Variants in CHRNA7 observed in about 807,000 individuals in gnomAD.
CHRNA7 encodes cholinergic receptor nicotinic alpha 7 subunit.
CHRNA7 carries 17 observed loss-of-function variants against 48.0 expected under a neutral mutation model. That is an observed-to-expected ratio of 0.35 (90% CI 0.24 to 0.53). The LOEUF (loss-of-function observed/expected upper bound fraction) is 0.53. Among genes scored for constraint, CHRNA7 ranks in the 20% least tolerant of loss-of-function variants. The probability of loss-of-function intolerance (pLI) is 0.92; values close to 1 mark genes in which losing one functional copy is unlikely to be tolerated. For missense variants in CHRNA7, 155 were observed against 577.7 expected, an observed-to-expected ratio of 0.27 and a Z score of 7.50; for synonymous variants, 75 against 242.3, an observed-to-expected ratio of 0.31 and a Z score of 6.41.
At chr15:32,116,465 G>A (rs1241454303) in intron 4 of CHRNA7, among the ~76,000 whole-genome samples, 6 of 152,224 alleles carry the variant, frequency 3.9e-5, no homozygotes, top group Admixed American at 6.5e-5. Flanking sequence ...GAATAAAAGC[G>A]TCTCTGTCTG....
chr15:32,096,912 C>T (rs1162468428), intron 2 of CHRNA7, among the ~76,000 whole-genome samples: 1 of 152,196 alleles, frequency 6.6e-6, no homozygotes, highest in Non-Finnish European at 1.5e-5. Flanking sequence ...CCTTGCCACA[C>T]CGGCCTTCTG....
At chr15:32,054,404 C>T (rs1363651320) in intron 2 of CHRNA7, among the ~76,000 whole-genome samples, 2 of 139,826 alleles carry the variant, frequency 1.4e-5, no homozygotes, top group South Asian at 2.2e-4. Flanking sequence ...AAAGGTCTCT[C>T]GTAGAGAGAC....
chr15:32,138,247 A>G (rs988557482), intron 4 of CHRNA7, among the ~76,000 whole-genome samples: 1 of 152,212 alleles, frequency 6.6e-6, no homozygotes, highest in Non-Finnish European at 1.5e-5. Context: ...GTTTTCAACT[A>G]CAGAAAAATA....
chr15:32,082,442 C>T (rs761671350), intron 2 of CHRNA7, among the ~76,000 whole-genome samples: 2 of 151,960 alleles, frequency 1.3e-5, no homozygotes, highest in African/African-American at 2.4e-5. Context: ...ACAATCTCCA[C>T]CTGTAATTCT....
intron 4 of CHRNA7, among the ~76,000 whole-genome samples, chr15:32,132,856 T>C (rs996257623): frequency 1.3e-5 from 2 of 152,234 alleles, no homozygotes; most frequent in African/African-American, 4.8e-5. Flanking sequence ...AGTGGCATTT[T>C]TCTGAAAGCA....
intron 2 of CHRNA7, among the ~76,000 whole-genome samples, chr15:32,074,727 T>C (rs945019542): frequency 6.6e-6 from 1 of 151,774 alleles, no homozygotes; most frequent in Non-Finnish European, 1.5e-5. Flanking sequence ...TGATCTCGGC[T>C]CACTGCAACC....
intron 4 of CHRNA7, among the ~76,000 whole-genome samples, chr15:32,114,896 A>ACAG (rs1392228840): frequency 6.6e-6 from 1 of 152,202 alleles, no homozygotes; most frequent in African/African-American, 2.4e-5. Flanking sequence ...GTACACTTCC[A>ACAG]CAGCGGGGCA....
chr15:32,039,318 T>C (rs1339871970), intron 2 of CHRNA7, among the ~76,000 whole-genome samples: 1 of 152,190 alleles, frequency 6.6e-6, no homozygotes, highest in African/African-American at 2.4e-5. Context: ...TTTGCTCTTT[T>C]TTCTAGTTTC....
Position 32,094,803 on chromosome 15 carries a change from G to A in CHRNA7, c.196-6500G>A, listed in dbSNP as rs11636168. On this transcript the variant is annotated intron_variant, in intron 2 of 9. Coordinates refer to ENST00000306901, the MANE Select transcript of CHRNA7 (RefSeq NM_000746.6). ...AGCCTCCCAAGTAGCTGGGACTGCA[G>A]GTGCCTGCCACCGCGCCTGGCTAAT... Among the ~76,000 whole-genome samples, 585 of 152,276 alleles carry A rather than the reference G, an allele frequency of 3.8e-3. 2 individuals are homozygous for A. Among genetic ancestry groups the A allele is most frequent in the Non-Finnish European group, 6.5e-3 (443 of 68,024 alleles).
intron 2 of CHRNA7, among the ~76,000 whole-genome samples, chr15:32,048,975 C>T (rs543471090): frequency 9.1e-4 from 134 of 146,964 alleles, no homozygotes; most frequent in African/African-American, 3.3e-3. Context: ...CGTAGTTGAG[C>T]GGTTTTGAGT....
At chr15:32,094,300 C>A (rs965216602) in intron 2 of CHRNA7, among the ~76,000 whole-genome samples, 1 of 152,174 alleles carries the variant, frequency 6.6e-6, no homozygotes, top group Non-Finnish European at 1.5e-5. Context: ...TAACCATGAA[C>A]CCACTGGGAA....
At chr15:32,111,991 AT>A in intron 4 of CHRNA7, 92 bp downstream of exon 4, 2 of 851,442 alleles carry the variant, frequency 2.3e-6, no homozygotes. Flanking sequence ...GATGCTGGAT[AT>A]GTTATCTATG....
In CHRNA7 at chr15:32,135,172, G is replaced by A. The variant is rs558107644; in HGVS notation, c.351-18735G>A. Among the ~76,000 whole-genome samples the A allele has an allele frequency of 6.6e-5, 10 of 152,212 alleles. 1 individual carries two copies. Among genetic ancestry groups the A allele is most frequent in the Non-Finnish European group, 8.8e-5 (6 of 68,044 alleles). On this transcript the variant is annotated intron_variant, in intron 4 of 9. Coordinates refer to ENST00000306901, the MANE Select transcript of CHRNA7 (RefSeq NM_000746.6). ...AAGGAGGGCTGCTTCCTCTCATGCC[G>A]GGGATAGGTGCTCCCATACACACTG...
intron 2 of CHRNA7, among the ~76,000 whole-genome samples, chr15:32,070,952 G>T (rs986845708): frequency 6.6e-6 from 1 of 151,948 alleles, no homozygotes; most frequent in South Asian, 2.1e-4. Context: ...CTCCCAAAGT[G>T]CTGGGATTAC....
chr15:32,048,138 T>C (rs1263141511), intron 2 of CHRNA7, among the ~76,000 whole-genome samples: 1 of 152,234 alleles, frequency 6.6e-6, no homozygotes, highest in African/African-American at 2.4e-5. Context: ...TTCTCTTTTT[T>C]GGTTGTGTCT....
chr15:32,049,025 G>GTCTGAAAGACAGTTTGTTATTATT (rs1457140245), intron 2 of CHRNA7, among the ~76,000 whole-genome samples: 4 of 102,038 alleles, frequency 3.9e-5, no homozygotes, highest in Admixed American at 9.8e-5. Context: ...TTGCACTGTG[G>GTCTGAAAGACAGTTTGTTATTATT]TCTGTTCTTT....
chr15:32,088,042 T>C (rs2050326481), intron 2 of CHRNA7, among the ~76,000 whole-genome samples: 1 of 152,226 alleles, frequency 6.6e-6, no homozygotes. Context: ...GTATTCACCA[T>C]TACAATATGA....
intron 2 of CHRNA7, among the ~76,000 whole-genome samples, chr15:32,061,664 C>T (rs1275247486): frequency 5.3e-5 from 8 of 152,020 alleles, no homozygotes; most frequent in Non-Finnish European, 1.2e-4. Flanking sequence ...AGAGATTAGC[C>T]GGGCGTGGTG....
intron 3 of CHRNA7, among the ~76,000 whole-genome samples, chr15:32,103,929 C>G (rs2050617340): frequency 6.6e-6 from 1 of 152,194 alleles, no homozygotes; most frequent in Non-Finnish European, 1.5e-5. Flanking sequence ...GATCCAGGAT[C>G]TAACTACTGG....
Sources: gnomAD v4.1 joint callset for allele counts (sites outside exome capture counted in the v4.1 genomes callset) on GRCh38, gnomAD v4.1.1 for gene constraint, MANE v1.5 for transcripts, NCBI Gene and HGNC (gene_info 2026-07-23, HGNC 2026-07-21) for gene names.